ATPAF1: variants seen among roughly 807,000 people sequenced by gnomAD.
ATPAF1 encodes the protein homolog of yeast ATP11.
Under a neutral mutation model 43.9 loss-of-function variants are expected in ATPAF1, and 26 were observed. The ratio of observed to expected loss-of-function variants is 0.59; its 90% confidence interval spans 0.43 to 0.82. The LOEUF (loss-of-function observed/expected upper bound fraction) is 0.82. ATPAF1 is among the 40% of genes least tolerant of loss of function. ATPAF1 has a pLI of 0.00. For missense variants in ATPAF1, 366 were observed against 435.0 expected (o/e 0.84, Z 1.41); for synonymous variants, 157 against 168.0 (o/e 0.93, Z 0.50).
upstream of ATPAF1, chr1:46,668,394 C>T (rs1676533538): frequency 1.7e-6 from 2 of 1,196,756 alleles, no homozygotes; most frequent in Non-Finnish European, 1.0e-6. This position sits in a 1 kb window ranked among gnomAD's most constrained non-coding sequence, Gnocchi z 4.4. Context: ...CGCTCCATCC[C>T]GCTCCGAGTG....
In ATPAF1 at chr1:46,665,241, G is replaced by C. The variant is rs748677270; in HGVS notation, c.375+15C>G. The C allele has an allele frequency of 1.9e-5, 31 of 1,610,790 alleles. No individual in the cohort carries two copies. The highest frequency in any genetic ancestry group is 2.4e-5 in the Non-Finnish European group (28 of 1,176,894). On this transcript the variant is annotated intron_variant, in intron 2 of 8. Transcript: ENST00000574428. The stretch of plus-strand genomic sequence containing the variant: ...GTGCTGGTAAGCAAACACCACAAAT[G>C]GGGGAAGGTCTTACCTTCTGTTCCA...
chr1:46,643,350 A>C, intron 7 of ATPAF1, 49 bp from the exon 8 acceptor site: 1 of 1,427,940 alleles, frequency 7.0e-7, no homozygotes, highest in Non-Finnish European at 9.8e-7. Flanking sequence ...CATCACAACA[A>C]ACTGCAATTT....
At position 46,668,187 on chromosome 1, in the gene ATPAF1, C is replaced by A. The variant is rs1438669698; in HGVS notation, c.136G>T (p.Val46Phe). 10 of 1,395,470 alleles carry A rather than the reference C, an allele frequency of 7.2e-6. No homozygotes were observed. The highest frequency in any genetic ancestry group is 8.4e-6 in the Non-Finnish European group (9 of 1,075,202). The allele number at this position is 1,395,470 out of a possible 1,614,324, so 86.4% of individuals were successfully genotyped here. The change falls in exon 1 of 9, where the codon GTC becomes TTC. Residue 46 changes from valine (V) to phenylalanine (F), a missense_variant. Val to Phe is a conservative substitution (Grantham distance 50). Coordinates refer to ENST00000574428, the Ensembl canonical transcript of ATPAF1. This position sits in a 1 kb window ranked among gnomAD's most constrained non-coding sequence, Gnocchi z 4.4. Reference sequence around the variant, plus strand: ...CCCGAGCCGGGGCGCACTGGGAAGACGCGCAGCTGCGCGGGTGACACGAGC... The same window carrying A: ...CCCGAGCCGGGGCGCACTGGGAAGAAGCGCAGCTGCGCGGGTGACACGAGC...
At position 46,665,592 on chromosome 1, in the gene ATPAF1, T is replaced by G. The variant is rs1401320335; in HGVS notation, c.267-228A>C. 7.9e-6 allele frequency: 11 copies of G among 1,392,776 alleles called. No homozygotes were observed. The African/African-American group carries it at 1.6e-4, about 20-fold the overall frequency. The allele number at this position is 1,392,776 out of a possible 1,614,324, so 86.3% of individuals were successfully genotyped here. On this transcript the variant is annotated intron_variant, in intron 1 of 8. Coordinates refer to ENST00000574428, the Ensembl canonical transcript of ATPAF1. Reference sequence around the variant, plus strand: ...CCTCAAGGGGCCTGTGTAACATTTTTCTTTTGCAGGCTGTTCCCTAGGTTT... The same window carrying G: ...CCTCAAGGGGCCTGTGTAACATTTTGCTTTTGCAGGCTGTTCCCTAGGTTT...
intron 7 of ATPAF1, 150 bp downstream of exon 7, chr1:46,645,011 C>G: frequency 1.5e-6 from 1 of 662,410 alleles, no homozygotes; most frequent in African/African-American, 1.8e-5. Flanking sequence ...GAAAACTAGT[C>G]CAACACAAAA....
intron 8 of ATPAF1, among the ~76,000 whole-genome samples, chr1:46,637,798 T>A (rs1169509939): frequency 6.6e-6 from 1 of 152,158 alleles, no homozygotes; most frequent in African/African-American, 2.4e-5. Flanking sequence ...AGAAGGGACC[T>A]CAGAGATCAC....
intron 6 of ATPAF1, among the ~76,000 whole-genome samples, chr1:46,652,218 AAAAAG>A (rs1352351342): frequency 4.6e-5 from 7 of 152,032 alleles, no homozygotes; most frequent in East Asian, 3.8e-4. Flanking sequence ...AAAAAAAAAA[AAAAAG>A]AAGTTGAAAA....
chr1:46,655,830 C>T (rs631368), intron 4 of ATPAF1, among the ~76,000 whole-genome samples: 18,716 of 152,090 alleles, frequency 0.12, 2,908 homozygotes, highest in East Asian at 0.4. Flanking sequence ...TTCCTATGAG[C>T]TGCTTTTCTA....
intron 6 of ATPAF1, among the ~76,000 whole-genome samples, chr1:46,650,326 C>A (rs1466356998): frequency 3.3e-5 from 5 of 151,186 alleles, no homozygotes; most frequent in Admixed American, 3.3e-4. Context: ...GATTTGAAGC[C>A]CATCCTGGGC....
chr1:46,654,595 G>T (rs1337357586), intron 4 of ATPAF1, among the ~76,000 whole-genome samples: 1 of 150,480 alleles, frequency 6.6e-6, no homozygotes, highest in Non-Finnish European at 1.5e-5. Flanking sequence ...TGTACAACAT[G>T]CAGGTTACAT....
intron 7 of ATPAF1, among the ~76,000 whole-genome samples, chr1:46,643,814 GAGA>G (rs1675990419): frequency 6.6e-6 from 1 of 152,130 alleles, no homozygotes; most frequent in Non-Finnish European, 1.5e-5. Context: ...GGGTGAAGGG[GAGA>G]AGAAGGATGG....
chr1:46,665,634 CTCAGGTACTTACAT>C, intron 1 of ATPAF1: 1 of 1,528,390 alleles, frequency 6.5e-7, no homozygotes, highest in Non-Finnish European at 8.8e-7. Flanking sequence ...GGCTTAGTCT[CTCAGGTACTTACAT>C]TCAGGGTACT....
At chr1:46,650,362 T>C (rs1245500046) in intron 6 of ATPAF1, among the ~76,000 whole-genome samples, 5 of 130,240 alleles carry the variant, frequency 3.8e-5, no homozygotes, top group African/African-American at 1.8e-4. Context: ...CATCTCTAAA[T>C]GAAAAAAAAA....
At chr1:46,639,662 A>C (rs538132848) in intron 8 of ATPAF1, among the ~76,000 whole-genome samples, 6 of 152,182 alleles carry the variant, frequency 3.9e-5, no homozygotes, top group African/African-American at 1.4e-4. Flanking sequence ...AAAGTGCACA[A>C]TTCATGCATG....
At chr1:46,638,959 C>A (rs1569591859) in intron 8 of ATPAF1, among the ~76,000 whole-genome samples, 1 of 152,218 alleles carries the variant, frequency 6.6e-6, no homozygotes, top group African/African-American at 2.4e-5. Flanking sequence ...TGGGGTCATT[C>A]TCTTTCCTCC....
intron 8 of ATPAF1, among the ~76,000 whole-genome samples, chr1:46,639,538 T>C (rs1675910217): frequency 1.3e-5 from 2 of 152,234 alleles, no homozygotes; most frequent in Admixed American, 1.3e-4. Flanking sequence ...AGCTAGGTTT[T>C]TAAATATTCC....
chr1:46,636,056 G>A (rs374404633), intron 8 of ATPAF1, 86 bp from the exon 9 acceptor site: 70 of 1,454,690 alleles, frequency 4.8e-5, no homozygotes, highest in African/African-American at 3.8e-4. Context: ...GGGGGCCCTC[G>A]CCCAGGAGTC....
chr1:46,665,222 G>T, intron 2 of ATPAF1, 34 bp downstream of exon 2: 1 of 1,605,602 alleles, frequency 6.2e-7, no homozygotes, highest in Non-Finnish European at 8.5e-7. Context: ...AGGAGTGCTG[G>T]TAAGCAAACA....
intron 2 of ATPAF1, among the ~76,000 whole-genome samples, chr1:46,663,032 G>GTTTGGTT (rs1676422229): frequency 2.0e-5 from 3 of 152,152 alleles, no homozygotes; most frequent in South Asian, 4.1e-4. Flanking sequence ...AACATGCAGT[G>GTTTGGTT]TTTGGTTTTT....
Sources: allele counts gnomAD v4.1 joint callset (sites outside exome capture counted in the v4.1 genomes callset), GRCh38; gene constraint gnomAD v4.1.1; non-coding constraint Gnocchi (gnomAD v3.1); transcripts MANE v1.5; gene names NCBI Gene and HGNC (gene_info 2026-07-23, HGNC 2026-07-21).